Variants in DMD observed in about 807,000 individuals in gnomAD.
DMD encodes the protein dystrophin.
In DMD, 63 loss-of-function variants were observed where a neutral mutation model predicts 330.1. The observed-to-expected ratio is 0.19, with a 90% CI of 0.16 to 0.24. The LOEUF is 0.24. Ranked by LOEUF, DMD falls within the 10% of genes least tolerant of loss-of-function variation. The pLI is 1.00. For missense variants in DMD, 3,344 were observed against 2,684.1 expected (o/e 1.25, Z -5.43); for synonymous variants, 1,223 against 959.8 (o/e 1.27, Z -5.07).
chrX:31,269,732 G>A (rs770653384), intron 62 of DMD, among the ~76,000 whole-genome samples: 6 of 112,033 alleles, frequency 5.4e-5, no homozygotes, highest in African/African-American at 9.7e-5. Flanking sequence ...ACATTTTCCC[G>A]TAGCCAAAAC....
chrX:31,423,002 GATATATGT>G (rs1395804098), intron 60 of DMD, among the ~76,000 whole-genome samples: 1 of 111,696 alleles, frequency 9.0e-6, no homozygotes, highest in East Asian at 2.8e-4. Flanking sequence ...TTGCTGCACG[GATATATGT>G]ATTTTTGTAG....
rs777088565 is a variant in DMD at position 31,658,159 on chromosome X, G to A, written c.7873-15C>T. On this transcript the variant is annotated splice_polypyrimidine_tract_variant and intron_variant, in intron 53 of 78. Coordinates refer to ENST00000357033, the MANE Select transcript of DMD (RefSeq NM_004006.3). ...TTGGCCAACTGCTATAGATTTTTAT[G>A]AGAAAGAGAATGAATGTCAGTTTTT... 9 of 1,209,339 alleles carry A rather than the reference G, an allele frequency of 7.4e-6. No homozygotes were observed. Among genetic ancestry groups the A allele is most frequent in the South Asian group, 1.8e-5 (1 of 56,925 alleles).
chrX:31,728,189 A>T (rs1008273081), intron 52 of DMD, among the ~76,000 whole-genome samples: 4 of 109,481 alleles, frequency 3.7e-5, no homozygotes, highest in Non-Finnish European at 7.6e-5. Flanking sequence ...CGCCCGGCTA[A>T]TTTTTTTTTG....
chrX:32,480,001 A>C (rs1330997522), intron 21 of DMD, among the ~76,000 whole-genome samples: 2 of 111,379 alleles, frequency 1.8e-5, no homozygotes, highest in Non-Finnish European at 3.8e-5. Flanking sequence ...AATATTTGCA[A>C]ACCAAATATC....
At chrX:31,318,093 A>G (rs1395710064) in intron 62 of DMD, among the ~76,000 whole-genome samples, 1 of 112,417 alleles carries the variant, frequency 8.9e-6, no homozygotes, top group African/African-American at 3.2e-5. Flanking sequence ...AGAGCAAGAT[A>G]TGCTTTAAGC....
chrX:31,649,023 G>T (rs1209492131), intron 54 of DMD, among the ~76,000 whole-genome samples: 1 of 111,220 alleles, frequency 9.0e-6, no homozygotes, highest in Non-Finnish European at 1.9e-5. Flanking sequence ...GAAATAAAAT[G>T]AAAATATAAA....
chrX:33,014,615 T>G (rs2093764649), intron 2 of DMD, among the ~76,000 whole-genome samples: 1 of 111,370 alleles, frequency 9.0e-6, no homozygotes, highest in Non-Finnish European at 1.9e-5. Flanking sequence ...TCATGTGCAT[T>G]TCAATAGCAT....
chrX:32,352,878 A>C lies in DMD; in HGVS notation c.5326-4350T>G, dbSNP rs181255398. Among the ~76,000 whole-genome samples, 307 of 110,422 alleles carry C rather than the reference A, an allele frequency of 2.8e-3. 1 individual carries two copies. The highest frequency in any genetic ancestry group is 0.019 in the Middle Eastern group (4 of 216). The stretch of plus-strand genomic sequence containing the variant: ...ACTGCTTTCTTATAGACAGGAATAT[A>C]ATATTATTTGGCTTTCAAAGATATA... On this transcript the variant is annotated intron_variant, in intron 37 of 78. Transcript: ENST00000357033.
intron 56 of DMD, among the ~76,000 whole-genome samples, chrX:31,505,145 G>A (rs1366099658): frequency 1.8e-5 from 2 of 111,923 alleles, no homozygotes; most frequent in Non-Finnish European, 3.8e-5. Context: ...AACTTGACCT[G>A]CCAATATTTT....
rs771494915 is a variant in DMD at position 33,236,262 on chromosome X, CT to C, written c.7+102996del. ...AGTGCCAATATTTGGCTTCTCCTTC[CT>C]TTTTTTTTTTCTTTTTTTTTGACAA... On this transcript the variant is annotated intron_variant, in intron 1 of 17. Coordinates refer to the DMD transcript ENST00000288447. 3.6e-4 allele frequency among the ~76,000 whole-genome samples: 34 copies of C among 94,281 alleles called. No individual in the cohort carries two copies. The East Asian group carries it at 4.4e-3, about 12-fold the overall frequency. The allele number at this position is 94,281 out of a possible 115,157, so 81.9% of individuals were successfully genotyped here. A position where few individuals can be genotyped will look rare whatever the true frequency, so the allele number is the denominator to read the frequency against.
At position 32,402,809 on chromosome X, in the gene DMD, T is replaced by C. The variant is rs1228618831; in HGVS notation, c.4233+8943A>G. On this transcript the variant is annotated intron_variant, in intron 30 of 78. Transcript: ENST00000357033. ...AGAAGTCTTTATGATACTATTAAGT[T>C]CCATTGGAAAAATGGTTCTTCACTA... Among the ~76,000 whole-genome samples, 9 of 111,711 alleles carry C rather than the reference T, an allele frequency of 8.1e-5. No individual in the cohort carries two copies. In the Admixed American group the frequency reaches 8.6e-4, roughly 11 times the overall value.
chrX:32,085,655 T>C (rs368342579), intron 44 of DMD, among the ~76,000 whole-genome samples: 17 of 51,124 alleles, frequency 3.3e-4, no homozygotes, highest in East Asian at 8.2e-4. Context: ...TATATGTGTG[T>C]ATATATACGT....
chrX:32,910,164 C>A (rs911664274), intron 2 of DMD, among the ~76,000 whole-genome samples: 1 of 111,545 alleles, frequency 9.0e-6, no homozygotes, highest in East Asian at 2.8e-4. Context: ...CAAGGTAAAC[C>A]AAAGCACAAC....
Position 32,287,727 on chromosome X carries a change from T to C in DMD, c.6118-26A>G, listed in dbSNP as rs760048693. On this transcript the variant is annotated intron_variant, in intron 42 of 78. Coordinates refer to ENST00000357033, the MANE Select transcript of DMD (RefSeq NM_004006.3). ...CTGTAATATAAAAATTTTAAAACAG[T>C]AAAAAAATGAATTAGCTGTCTATAG... is the stretch of plus-strand genomic sequence containing the variant. The C allele has an allele frequency of 8.5e-6, 9 of 1,063,822 alleles. No individual in the cohort carries two copies. In the Admixed American group the frequency reaches 2.3e-4, roughly 27 times the overall value. The allele number at this position is 1,063,822 out of a possible 1,213,427, so 87.7% of individuals were successfully genotyped here.
chrX:32,405,354 T>G (rs1285159774), intron 30 of DMD, among the ~76,000 whole-genome samples: 5 of 111,685 alleles, frequency 4.5e-5, no homozygotes, highest in Admixed American at 9.5e-5. Context: ...CATGTGTTTC[T>G]TTGCAGTCAC....
At chrX:31,958,077 G>C (rs1431896227) in intron 45 of DMD, among the ~76,000 whole-genome samples, 1 of 104,246 alleles carries the variant, frequency 9.6e-6, no homozygotes, top group Non-Finnish European at 2.0e-5. Context: ...GAAAATAAAT[G>C]CAGAATGCCA....
At chrX:31,964,596 A>AGTGTGTGTGT (rs59973399) in intron 45 of DMD, among the ~76,000 whole-genome samples, 21 of 99,613 alleles carry the variant, frequency 2.1e-4, no homozygotes, top group African/African-American at 6.7e-4. Context: ...AATGTTAAAA[A>AGTGTGTGTGT]GTGTGTGTGT....
intron 2 of DMD, among the ~76,000 whole-genome samples, chrX:32,942,434 T>C (rs1303865830): frequency 9.1e-6 from 1 of 110,322 alleles, no homozygotes; most frequent in African/African-American, 3.3e-5. Flanking sequence ...TCCCAGCTAG[T>C]TGGGAGGCTG....
At chrX:31,912,251 T>G (rs1484287600) in intron 47 of DMD, among the ~76,000 whole-genome samples, 1 of 111,210 alleles carries the variant, frequency 9.0e-6, no homozygotes, top group African/African-American at 3.3e-5. Flanking sequence ...CTGCCATGCC[T>G]GCAGCCAGCA....
Sources: allele counts gnomAD v4.1 joint callset (sites outside exome capture counted in the v4.1 genomes callset), GRCh38; gene constraint gnomAD v4.1.1; transcripts MANE v1.5; gene names NCBI Gene and HGNC (gene_info 2026-07-23, HGNC 2026-07-21).